The following PLCL2 variants were observed in gnomAD, a reference collection of about 807,000 sequenced individuals.
The protein encoded by PLCL2 is phospholipase C like 2.
In PLCL2, 4 loss-of-function variants were observed where a neutral mutation model predicts 79.6. The ratio of observed to expected loss-of-function variants is 0.05; its 90% confidence interval spans 0.02 to 0.11. The LOEUF is 0.11. PLCL2 is among the 10% of genes least tolerant of loss of function. The pLI is 1.00. For synonymous variants in PLCL2, 484 were observed against 457.7 expected, an observed-to-expected ratio of 1.06 and a Z score of -0.73; for missense variants, 895 against 1,291.0, an observed-to-expected ratio of 0.69 and a Z score of 4.70.
intron 3 of PLCL2, among the ~76,000 whole-genome samples, chr3:17,024,363 A>G (rs1179485459): frequency 2.0e-5 from 3 of 152,128 alleles, no homozygotes; most frequent in African/African-American, 4.8e-5. Flanking sequence ...CTTCATGTCT[A>G]TTTTCTTCTA....
At chr3:16,976,757 C>G (rs1482226439) in intron 1 of PLCL2, among the ~76,000 whole-genome samples, 1 of 152,112 alleles carries the variant, frequency 6.6e-6, no homozygotes, top group African/African-American at 2.4e-5. Context: ...CAGTGTTGTC[C>G]TTATTTGTGG....
chr3:17,004,882 A>G (rs1057327574), intron 1 of PLCL2, among the ~76,000 whole-genome samples: 25 of 151,982 alleles, frequency 1.6e-4, no homozygotes, highest in Admixed American at 1.6e-3. Flanking sequence ...GTGATCCCCT[A>G]CCTTTCTTTA....
intron 1 of PLCL2, among the ~76,000 whole-genome samples, chr3:16,901,036 C>T (rs1258854635): frequency 1.3e-5 from 2 of 152,112 alleles, no homozygotes; most frequent in African/African-American, 2.4e-5. Context: ...TGAAGTTTAA[C>T]GCCTTGATTG....
intron 5 of PLCL2, among the ~76,000 whole-genome samples, chr3:17,088,531 T>C (rs1196148203): frequency 6.6e-6 from 1 of 151,684 alleles, no homozygotes; most frequent in Non-Finnish European, 1.5e-5. Flanking sequence ...GAAGGAAAAA[T>C]AGAACAAAAA....
At chr3:16,924,751 C>T (rs1324334785) in intron 1 of PLCL2, among the ~76,000 whole-genome samples, 3 of 152,132 alleles carry the variant, frequency 2.0e-5, no homozygotes, top group South Asian at 2.1e-4. Context: ...TCCAGCAGCA[C>T]CATGGAGGGT....
intron 1 of PLCL2, among the ~76,000 whole-genome samples, chr3:16,997,996 T>C (rs1263223524): frequency 1.3e-5 from 2 of 152,308 alleles, no homozygotes; most frequent in South Asian, 2.1e-4. Context: ...AATTATGGAA[T>C]TATTAAAATT....
intron 3 of PLCL2, among the ~76,000 whole-genome samples, chr3:17,021,417 A>G (rs1049124273): frequency 2.0e-5 from 3 of 152,188 alleles, no homozygotes; most frequent in Admixed American, 1.3e-4. Flanking sequence ...GTATTATCAG[A>G]TGAGAAGTAC....
rs767276937 is a variant in PLCL2 at position 17,089,880 on chromosome 3, C to T, written c.3352C>T (p.Pro1118Ser). ...QKPRRSLEVI[P>S]EKANDETGE ...GCCACGCCGGAGCTTGGAAGTCATA[C>T]CCGAAAAAGCAAACGATGAAACTGG... is the stretch of plus-strand genomic sequence containing the variant. Residue 1118 changes from proline to serine, a missense_variant, in exon 6 of 6, where the codon CCC becomes TCC. Coordinates refer to ENST00000615277, the MANE Select transcript of PLCL2 (RefSeq NM_001144382.2). 12 of 1,613,086 alleles carry T rather than the reference C, an allele frequency of 7.4e-6. No individual in the cohort carries two copies. The highest frequency in any genetic ancestry group is 1.7e-4 in the Middle Eastern group (1 of 6,044).
In PLCL2 at chr3:16,967,272, G is replaced by A. The variant is rs546590063; in HGVS notation, c.328-42402G>A. Among the ~76,000 whole-genome samples the A allele has an allele frequency of 3.9e-5, 6 of 152,092 alleles. No homozygotes were observed. The East Asian group carries it at 1.2e-3, about 29-fold the overall frequency. ...TGGTAGAACAATTTGTATTCCTTTG[G>A]GTATGTATCCAATAATGGGATTGCT... On this transcript the variant is annotated intron_variant, in intron 1 of 5. Coordinates refer to ENST00000615277, the MANE Select transcript of PLCL2 (RefSeq NM_001144382.2).
At chr3:16,960,467 T>A (rs2063744665) in intron 1 of PLCL2, among the ~76,000 whole-genome samples, 1 of 152,256 alleles carries the variant, frequency 6.6e-6, no homozygotes, top group Non-Finnish European at 1.5e-5. Context: ...GCTTAGCTCC[T>A]GGACCTGACT....
At chr3:17,032,813 A>T (rs1486241810) in intron 3 of PLCL2, among the ~76,000 whole-genome samples, 2 of 152,178 alleles carry the variant, frequency 1.3e-5, no homozygotes, top group Non-Finnish European at 2.9e-5. Flanking sequence ...CACCCATATT[A>T]CACTTGTATA....
At chr3:16,952,889 T>A (rs1273594430) in intron 1 of PLCL2, among the ~76,000 whole-genome samples, 4 of 152,074 alleles carry the variant, frequency 2.6e-5, no homozygotes, top group Non-Finnish European at 5.9e-5. Context: ...CTTAACAGGA[T>A]GTGTTAAAAT....
intron 3 of PLCL2, among the ~76,000 whole-genome samples, chr3:17,016,406 A>G (rs1458929781): frequency 1.3e-5 from 2 of 152,230 alleles, no homozygotes; most frequent in African/African-American, 4.8e-5. Context: ...AAGAGACACC[A>G]GGAACTGAAT....
chr3:17,001,467 T>C (rs2064210144), intron 1 of PLCL2, among the ~76,000 whole-genome samples: 1 of 152,194 alleles, frequency 6.6e-6, no homozygotes. Flanking sequence ...TGTTTTCTTC[T>C]AGTAGTTTCA....
intron 1 of PLCL2, among the ~76,000 whole-genome samples, chr3:16,955,983 A>G (rs2124963917): frequency 6.6e-6 from 1 of 152,334 alleles, no homozygotes; most frequent in South Asian, 2.1e-4. Flanking sequence ...AACAGGGACA[A>G]TTTGACTTCC....
At chr3:17,052,236 C>CAA (rs35316797) in intron 4 of PLCL2, among the ~76,000 whole-genome samples, 2,340 of 97,166 alleles carry the variant, frequency 0.024, 94 homozygotes, top group South Asian at 0.092. Context: ...GTGAATATGG[C>CAA]AAAAAAAAAA....
chr3:17,059,318 G>A (rs1424194729), intron 4 of PLCL2, among the ~76,000 whole-genome samples: 1 of 150,456 alleles, frequency 6.6e-6, no homozygotes, highest in East Asian at 1.9e-4. Flanking sequence ...GGCAGAGGTT[G>A]CAGTGAGCCG....
At chr3:17,049,065 C>T (rs1159155076) in intron 4 of PLCL2, among the ~76,000 whole-genome samples, 1 of 151,300 alleles carries the variant, frequency 6.6e-6, no homozygotes, top group Non-Finnish European at 1.5e-5. Context: ...GCAGCCATAC[C>T]AGCAGGTACG....
rs117849290 is a variant in PLCL2, at chr3:16,963,959, G to A, written c.328-45715G>A. Among the ~76,000 whole-genome samples the A allele has an allele frequency of 1.7e-3, 256 of 152,224 alleles. 4 individuals carry two copies. In the East Asian group the frequency reaches 0.017, roughly 10 times the overall value. On this transcript the variant is annotated intron_variant, in intron 1 of 5. Coordinates refer to ENST00000615277, the MANE Select transcript of PLCL2 (RefSeq NM_001144382.2). ...CAGACATTGTAGTCAGTCAGTGAGA[G>A]TGTTTGAAATAAAGAATGTAAAAGT...
Sources: allele counts gnomAD v4.1 joint callset (sites outside exome capture counted in the v4.1 genomes callset), GRCh38; gene constraint gnomAD v4.1.1; transcripts MANE v1.5; gene names NCBI Gene and HGNC (gene_info 2026-07-23, HGNC 2026-07-21).